Variants in PBXIP1 observed in about 807,000 individuals in gnomAD.
The protein encoded by PBXIP1 is PBX homeobox interacting protein 1, also known as pre-B-cell leukemia transcription factor-interacting protein 1.
In PBXIP1, 73 loss-of-function variants were observed where a neutral mutation model predicts 73.7. That is an observed-to-expected ratio of 0.99 (90% CI 0.82 to 1.20). The LOEUF (loss-of-function observed/expected upper bound fraction) is 1.20. PBXIP1 is among the 50% of genes most tolerant of loss of function. PBXIP1 has a pLI of 0.00. For missense variants in PBXIP1, 818 were observed against 911.4 expected (o/e 0.90, Z 1.32); for synonymous variants, 330 against 366.9 (o/e 0.90, Z 1.15).
chr1:154,951,673 C>T lies in PBXIP1; in HGVS notation c.178+122G>A. The T allele has an allele frequency of 7.0e-7, 1 of 1,420,636 alleles. No individual in the cohort carries two copies. The highest frequency in any genetic ancestry group is 1.2e-5 in the South Asian group (1 of 84,464). 88.0% of individuals were successfully genotyped at this position (1,420,636 alleles called of 1,614,324 possible). The stretch of plus-strand genomic sequence containing the variant: ...GGATGGAATGAGAAAAGGAGTTTGT[C>T]AACTGAGATTAATGGAGGAACTAAA... On this transcript the variant is annotated intron_variant, in intron 3 of 10. Transcript: ENST00000368463. The surrounding 1 kb of genome is among the most constrained non-coding windows in gnomAD (Gnocchi z 4.3).
intron 9 of PBXIP1, chr1:154,947,209 A>G (rs1654854810): frequency 4.8e-6 from 3 of 627,280 alleles, no homozygotes; most frequent in Non-Finnish European, 8.8e-6. Context: ...TGTTTCATGT[A>G]CCATGTGGAA....
At position 154,945,013 on chromosome 1, in the gene PBXIP1, G is replaced by A. The variant is rs374818862; in HGVS notation, c.*11C>T. 3 of 1,609,492 alleles carry A rather than the reference G, an allele frequency of 1.9e-6. No homozygotes were observed. Among genetic ancestry groups the A allele is most frequent in the African/African-American group, 2.7e-5 (2 of 74,850 alleles). ...GGGCCAGGCCAAGGCCATTCCCTGT[G>A]GGGCAGGGTGTCAGCCCCGGTGGTG... On this transcript the variant is annotated 3_prime_UTR_variant, in exon 11 of 11. Transcript: ENST00000368463.
intron 2 of PBXIP1, among the ~76,000 whole-genome samples, chr1:154,952,409 C>T (rs894338314): frequency 3.3e-5 from 5 of 152,094 alleles, no homozygotes; most frequent in African/African-American, 1.2e-4. Context: ...GACACTCCCC[C>T]GACACCCGTC....
Position 154,946,667 on chromosome 1 carries a change from G to A in PBXIP1, c.1007C>T (p.Ala336Val). 1 of 1,612,742 alleles carries A rather than the reference G, an allele frequency of 6.2e-7. No homozygotes were observed. The highest frequency in any genetic ancestry group is 8.5e-7 in the Non-Finnish European group (1 of 1,179,112). Residue 336 changes from alanine (A) to valine (V), a missense_variant, in exon 10 of 11, where the codon GCC becomes GTC. Coordinates refer to ENST00000368463, the MANE Select transcript of PBXIP1 (RefSeq NM_020524.4). ...GTCGGCCTCCAGCCCCTGGAGCCGG[G>A]CCCGCAGCTGCTGCAGCTCTGACTC... ...ALESELQQLR[A>V]RLQGLEADCV...
intron 10 of PBXIP1, 89 bp from the exon 11 acceptor site, chr1:154,945,206 G>C (rs1373517086): frequency 1.1e-6 from 1 of 952,052 alleles, no homozygotes; most frequent in Admixed American, 2.3e-5. Context: ...TCCCAATGAA[G>C]CTGACTTGAG....
At chr1:154,945,482 A>T (rs1654770786) in intron 10 of PBXIP1, 90 bp downstream of exon 10, 2 of 1,382,630 alleles carry the variant, frequency 1.4e-6, no homozygotes, top group South Asian at 2.7e-5. Context: ...GGGGACCAAA[A>T]GTAAGGATAC....
rs758808885 is a variant in PBXIP1 at position 154,946,340 on chromosome 1, T to G, written c.1334A>C (p.Asn445Thr). 9 of 1,613,866 alleles carry G rather than the reference T, an allele frequency of 5.6e-6. No homozygotes were observed. Among genetic ancestry groups the G allele is most frequent in the African/African-American group, 1.3e-5 (1 of 74,912 alleles). The change falls in exon 10 of 11, where the codon AAC (asparagine) becomes ACC (threonine). Residue 445 changes from asparagine (N) to threonine (T), a missense_variant. By Grantham distance (65) the Asn-to-Thr change is moderately conservative. Transcript: ENST00000368463. The part of the protein sequence containing the change: ...RLAQKLQGLE[N>T]WGQDPGVSAN... ...AGAGACCCCAGGGTCCTGGCCCCAG[T>G]TCTCCAGGCCCTGCAGTTTCTGGGC...
chr1:154,951,115 G>A lies in PBXIP1; in HGVS notation c.409+117C>T, dbSNP rs748750454. ...CCAGGGGTAGTGGTGAGAAAGGAGA[G>A]CACCAAGCTGCTCAGCCCTAGGGCC... On this transcript the variant is annotated intron_variant, in intron 5 of 10. Coordinates refer to ENST00000368463, the MANE Select transcript of PBXIP1 (RefSeq NM_020524.4). This position sits in a 1 kb window ranked among gnomAD's most constrained non-coding sequence, Gnocchi z 4.3. The A allele has an allele frequency of 1.1e-6, 1 of 885,818 alleles. No homozygotes were observed. The highest frequency in any genetic ancestry group is 1.8e-6 in the Non-Finnish European group (1 of 565,468). The allele number at this position is 885,818 out of a possible 1,614,324, so 54.9% of individuals were successfully genotyped here.
At chr1:154,954,893 G>A (rs1159393893) in intron 1 of PBXIP1, 5 of 803,030 alleles carry the variant, frequency 6.2e-6, no homozygotes, top group Non-Finnish European at 6.0e-6. Flanking sequence ...ACTGCTTCCC[G>A]AGCACTTTAT....
In PBXIP1 at chr1:154,945,039, G is replaced by A. The variant is rs1340302157; in HGVS notation, c.2181C>T (p.His727=). The change falls in exon 11 of 11, where the codon CAC becomes CAT. Residue 727 remains histidine (H), a synonymous_variant. Coordinates refer to ENST00000368463, the MANE Select transcript of PBXIP1 (RefSeq NM_020524.4). ...PREGHSHSHH[H]HHRG ...GGGCAGGGTGTCAGCCCCGGTGGTG[G>A]TGGTGGTGGCTATGGCTGTGCCCCT... The A allele has an allele frequency of 1.2e-6, 2 of 1,613,930 alleles. No individual in the cohort carries two copies. Among genetic ancestry groups the A allele is most frequent in the South Asian group, 1.1e-5 (1 of 91,084 alleles).
At position 154,945,905 on chromosome 1, in the gene PBXIP1, C is replaced by T. The variant is rs750179076; in HGVS notation, c.1769G>A (p.Gly590Asp). The T allele has an allele frequency of 1.9e-6, 3 of 1,614,106 alleles. No homozygotes were observed. Among genetic ancestry groups the T allele is most frequent in the East Asian group, 2.2e-5 (1 of 44,902 alleles). ...CTCCTGCCGGGCACACTCGTCCACA[C>T]CTGAGCAGCCCTGGGGTGCCCGGTA... ...PKYRAPQGCS[G>D]VDECARQEGL... is the part of the protein sequence containing the mutation. Residue 590 changes from glycine to aspartate, a missense_variant, in exon 10 of 11, where the codon GGT (glycine) becomes GAT (aspartate). Coordinates refer to ENST00000368463, the MANE Select transcript of PBXIP1 (RefSeq NM_020524.4).
rs1655008027 is a variant in PBXIP1, at chr1:154,951,627, G to A, written c.179-92C>T. On this transcript the variant is annotated intron_variant, in intron 3 of 10. Transcript: ENST00000368463. The surrounding 1 kb of genome is among the most constrained non-coding windows in gnomAD (Gnocchi z 4.3). ...CCATCCCACGGGCCCCTACCAGGTT[G>A]GAAGAGGCAGGAAAAAGCCAGGATG... 6.9e-7 allele frequency: 1 copy of A among 1,449,604 alleles called. No individual in the cohort carries two copies. The highest frequency in any genetic ancestry group is 9.7e-7 in the Non-Finnish European group (1 of 1,035,230). 89.8% of individuals were successfully genotyped at this position (1,449,604 alleles called of 1,614,324 possible). A position where few individuals can be genotyped will look rare whatever the true frequency, so the allele number is the denominator to read the frequency against.
Position 154,945,905 on chromosome 1 carries a change from C to G in PBXIP1, c.1769G>C (p.Gly590Ala). The G allele has an allele frequency of 6.2e-7, 1 of 1,614,224 alleles. No individual in the cohort carries two copies. ...PKYRAPQGCS[G>A]VDECARQEGL... ...CTCCTGCCGGGCACACTCGTCCACACCTGAGCAGCCCTGGGGTGCCCGGTA... is the reference window on the plus strand; with the variant it reads ...CTCCTGCCGGGCACACTCGTCCACAGCTGAGCAGCCCTGGGGTGCCCGGTA... The change falls in exon 10 of 11, where the codon GGT becomes GCT. Residue 590 changes from glycine (G) to alanine (A), a missense_variant. By Grantham distance (60) the Gly-to-Ala change is moderately conservative. Coordinates refer to ENST00000368463, the MANE Select transcript of PBXIP1 (RefSeq NM_020524.4).
Position 154,946,670 on chromosome 1 carries a change from C to A in PBXIP1, c.1004G>T (p.Arg335Leu). Residue 335 changes from arginine (R) to leucine (L), a missense_variant, in exon 10 of 11, where the codon CGG becomes CTG. Arg to Leu is a moderately radical substitution (Grantham distance 102). Transcript: ENST00000368463. ...RALESELQQL[R>L]ARLQGLEADC... ...GGCCTCCAGCCCCTGGAGCCGGGCC[C>A]GCAGCTGCTGCAGCTCTGACTCCAG... The A allele has an allele frequency of 6.2e-7, 1 of 1,612,892 alleles. No homozygotes were observed. Among genetic ancestry groups the A allele is most frequent in the Non-Finnish European group, 8.5e-7 (1 of 1,179,190 alleles).
chr1:154,955,581 C>T (rs1341016163), intron 1 of PBXIP1, among the ~76,000 whole-genome samples: 2 of 152,172 alleles, frequency 1.3e-5, no homozygotes, highest in African/African-American at 4.8e-5. Flanking sequence ...CATCTCACTG[C>T]CTTATTAGGA....
intron 1 of PBXIP1, 73 bp from the exon 2 acceptor site, chr1:154,953,830 G>T: frequency 1.0e-6 from 1 of 965,006 alleles, no homozygotes; most frequent in Non-Finnish European, 1.6e-6. Flanking sequence ...AGCCTTGGCT[G>T]GGTTCCAAGG....
At chr1:154,953,457 T>C (rs1213323429) in intron 2 of PBXIP1, among the ~76,000 whole-genome samples, 1 of 152,188 alleles carries the variant, frequency 6.6e-6, no homozygotes, top group Non-Finnish European at 1.5e-5. Context: ...CTTACCCAAC[T>C]GGTCCCTTCC....
rs542351031 is a variant in PBXIP1, at chr1:154,951,143, G to A, written c.409+89C>T. ...CCAAGCTGCTCAGCCCTAGGGCCTG[G>A]ACCACAGCATGTGCTCAGTAGTGAT... On this transcript the variant is annotated intron_variant, in intron 5 of 10. Transcript: ENST00000368463. The surrounding 1 kb of genome is among the most constrained non-coding windows in gnomAD (Gnocchi z 4.3). 1 of 1,253,508 alleles carries A rather than the reference G, an allele frequency of 8.0e-7. No individual in the cohort carries two copies. Among genetic ancestry groups the A allele is most frequent in the South Asian group, 1.3e-5 (1 of 76,684 alleles). The allele number at this position is 1,253,508 out of a possible 1,614,324, so 77.6% of individuals were successfully genotyped here. A position where few individuals can be genotyped will look rare whatever the true frequency, so the allele number is the denominator to read the frequency against.
chr1:154,955,616 ACCC>A (rs1197972940), intron 1 of PBXIP1, among the ~76,000 whole-genome samples: 1 of 151,006 alleles, frequency 6.6e-6, no homozygotes, highest in East Asian at 2.0e-4. Flanking sequence ...TCTAATCTCC[ACCC>A]TTCCCTGCTG....
Sources: allele counts gnomAD v4.1 joint callset (sites outside exome capture counted in the v4.1 genomes callset), GRCh38; gene constraint gnomAD v4.1.1; non-coding constraint Gnocchi (gnomAD v3.1); transcripts MANE v1.5; gene names NCBI Gene and HGNC (gene_info 2026-07-23, HGNC 2026-07-21).